ERBB4: variants seen among roughly 807,000 people sequenced by gnomAD.
ERBB4 encodes erb-b2 receptor tyrosine kinase 4, also known as receptor tyrosine-protein kinase erbB-4.
In ERBB4, 42 loss-of-function variants were observed where a neutral mutation model predicts 158.0. That is an observed-to-expected ratio of 0.27 (90% CI 0.21 to 0.34). ERBB4 has a LOEUF of 0.34. Among genes scored for constraint, ERBB4 ranks in the 10% least tolerant of loss-of-function variants. ERBB4 has a pLI of 1.00. For missense variants in ERBB4, 1,333 were observed against 1,624.1 expected (o/e 0.82, Z 3.08); for synonymous variants, 583 against 558.7 (o/e 1.04, Z -0.61).
chr2:212,445,946 C>A (rs1278281961), intron 1 of ERBB4, among the ~76,000 whole-genome samples: 1 of 152,208 alleles, frequency 6.6e-6, no homozygotes, highest in African/African-American at 2.4e-5. Context: ...TATGTATACA[C>A]TTGTACTAAG....
At chr2:211,465,962 T>A (rs1208644094) in intron 20 of ERBB4, among the ~76,000 whole-genome samples, 1 of 152,160 alleles carries the variant, frequency 6.6e-6, no homozygotes, top group African/African-American at 2.4e-5. Context: ...AAGTTCGGAA[T>A]AAACAAAGGT....
intron 19 of ERBB4, among the ~76,000 whole-genome samples, chr2:211,608,755 T>G (rs925304411): frequency 3.9e-5 from 6 of 152,158 alleles, no homozygotes; most frequent in Non-Finnish European, 7.4e-5. Context: ...ATACTCCATT[T>G]CCTTATTGTA....
Position 211,451,260 on chromosome 2 carries a change from G to A in ERBB4, c.2488-20160C>T, listed in dbSNP as rs1559180959. On this transcript the variant is annotated intron_variant, in intron 20 of 27. Coordinates refer to ENST00000342788, the MANE Select transcript of ERBB4 (RefSeq NM_005235.3). Reference sequence around the variant, plus strand: ...ATTGTAAGAAGAGGACTGAAAAAATGCCATTAGGATTGGCATTTAGGAGGT... The same window carrying A: ...ATTGTAAGAAGAGGACTGAAAAAATACCATTAGGATTGGCATTTAGGAGGT... Among the ~76,000 whole-genome samples, 3 of 152,294 alleles carry A rather than the reference G, an allele frequency of 2.0e-5. No homozygotes were observed. In the South Asian group the frequency reaches 6.2e-4, roughly 32 times the overall value.
intron 4 of ERBB4, among the ~76,000 whole-genome samples, chr2:211,757,632 GCTCAACT>G (rs1443137789): frequency 6.6e-6 from 1 of 152,148 alleles, no homozygotes; most frequent in African/African-American, 2.4e-5. Flanking sequence ...TCCCTCAGGG[GCTCAACT>G]CCCTCCTGCT....
At chr2:211,806,176 T>TA (rs1236845238) in intron 3 of ERBB4, among the ~76,000 whole-genome samples, 9 of 151,726 alleles carry the variant, frequency 5.9e-5, no homozygotes, top group South Asian at 2.1e-4. Flanking sequence ...TTCAGAATCT[T>TA]AAAAAAAATG....
At chr2:211,838,880 A>T (rs865966872) in intron 3 of ERBB4, among the ~76,000 whole-genome samples, 21 of 152,020 alleles carry the variant, frequency 1.4e-4, no homozygotes, top group South Asian at 8.3e-4. Flanking sequence ...AAGCTATTGA[A>T]CTCTGATTTT....
intron 1 of ERBB4, among the ~76,000 whole-genome samples, chr2:212,387,100 C>G (rs935782194): frequency 6.6e-6 from 1 of 151,990 alleles, no homozygotes; most frequent in East Asian, 1.9e-4. Context: ...AATAAAATAA[C>G]CTGAATTCAT....
At chr2:211,810,956 G>A (rs920491411) in intron 3 of ERBB4, among the ~76,000 whole-genome samples, 5 of 151,886 alleles carry the variant, frequency 3.3e-5, no homozygotes, top group African/African-American at 7.3e-5. Context: ...TTACAGGCGT[G>A]AGCCACCGCG....
chr2:212,318,615 G>C (rs1216138496), intron 1 of ERBB4, among the ~76,000 whole-genome samples: 136 of 151,548 alleles, frequency 9.0e-4, no homozygotes, highest in Admixed American at 8.9e-3. Context: ...CATTTTACCA[G>C]CTTTAATAGT....
chr2:212,075,619 A>T (rs1053272100), intron 2 of ERBB4, among the ~76,000 whole-genome samples: 26 of 151,902 alleles, frequency 1.7e-4, no homozygotes, highest in Non-Finnish European at 2.7e-4. Context: ...TTAGTTCTCT[A>T]TTTCTTAAAT....
chr2:211,440,848 A>G (rs1225884912), intron 20 of ERBB4, among the ~76,000 whole-genome samples: 1 of 152,180 alleles, frequency 6.6e-6, no homozygotes, highest in Non-Finnish European at 1.5e-5. Flanking sequence ...GCTCTTATGC[A>G]ACTTGAGTAT....
chr2:211,701,306 C>A (rs532189785), intron 12 of ERBB4, among the ~76,000 whole-genome samples: 3 of 152,244 alleles, frequency 2.0e-5, no homozygotes, highest in African/African-American at 4.8e-5. Flanking sequence ...TGTTATGAAA[C>A]TCCCTGAAAC....
intron 2 of ERBB4, among the ~76,000 whole-genome samples, chr2:212,065,061 G>A (rs1575588830): frequency 6.7e-6 from 1 of 150,042 alleles, no homozygotes; most frequent in African/African-American, 2.4e-5. Flanking sequence ...GACTTTCATT[G>A]ACATGATAGA....
At chr2:211,626,820 G>A (rs2069865699) in intron 17 of ERBB4, among the ~76,000 whole-genome samples, 1 of 151,958 alleles carries the variant, frequency 6.6e-6, no homozygotes, top group Admixed American at 6.6e-5. Flanking sequence ...AACTACTCGG[G>A]AGGCTGAGAC....
intron 1 of ERBB4, among the ~76,000 whole-genome samples, chr2:212,531,621 T>C (rs1223156184): frequency 6.6e-6 from 1 of 152,156 alleles, no homozygotes; most frequent in Non-Finnish European, 1.5e-5. Context: ...AACCCACTGT[T>C]TATCCTTTAC....
chr2:211,997,156 G>A (rs535101009), intron 2 of ERBB4, among the ~76,000 whole-genome samples: 1 of 152,142 alleles, frequency 6.6e-6, no homozygotes, highest in Non-Finnish European at 1.5e-5. Flanking sequence ...CGGATTAACT[G>A]CAAATGTAGA....
At chr2:212,514,981 T>C (rs1691742240) in intron 1 of ERBB4, among the ~76,000 whole-genome samples, 1 of 152,212 alleles carries the variant, frequency 6.6e-6, no homozygotes, top group South Asian at 2.1e-4. Flanking sequence ...TGTGAAAATA[T>C]TTTTAAAAGG....
chr2:212,080,748 T>C (rs1323859680), intron 2 of ERBB4, among the ~76,000 whole-genome samples: 2 of 152,000 alleles, frequency 1.3e-5, no homozygotes, highest in Non-Finnish European at 2.9e-5. Flanking sequence ...TTTTTAGAAA[T>C]TGCTTTCAAC....
At chr2:212,284,193 C>G (rs1303839268) in intron 1 of ERBB4, among the ~76,000 whole-genome samples, 1 of 152,070 alleles carries the variant, frequency 6.6e-6, no homozygotes, top group Admixed American at 6.6e-5. Context: ...GGGAGAAACT[C>G]CATCTGAGTC....
Sources: gnomAD v4.1 joint callset for allele counts (sites outside exome capture counted in the v4.1 genomes callset) on GRCh38, gnomAD v4.1.1 for gene constraint, MANE v1.5 for transcripts, NCBI Gene and HGNC (gene_info 2026-07-23, HGNC 2026-07-21) for gene names.